NFX1: variants seen among roughly 807,000 people sequenced by gnomAD.
The protein encoded by NFX1 is transcriptional repressor NF-X1.
In NFX1, 69 loss-of-function variants were observed where a neutral mutation model predicts 137.2. The ratio of observed to expected loss-of-function variants is 0.50; its 90% CI spans 0.41 to 0.61. NFX1 has a LOEUF of 0.61. NFX1 is among the 20% of genes least tolerant of loss of function. The pLI, the probability that NFX1 is intolerant of heterozygous loss-of-function variation, is 0.00. For synonymous variants in NFX1, 495 were observed against 474.1 expected (o/e 1.04, Z -0.57); for missense variants, 1,167 against 1,391.0 (o/e 0.84, Z 2.56).
chr9:33,362,693 T>G (rs13286981), intron 19 of NFX1, among the ~76,000 whole-genome samples: 3 of 80,816 alleles, frequency 3.7e-5, no homozygotes, highest in Non-Finnish European at 6.2e-5. Flanking sequence ...GTTCCTGTGG[T>G]TTTTTTTTTT....
chr9:33,307,443 C>A (rs1758917099), intron 5 of NFX1, 144 bp downstream of exon 5: 2 of 659,558 alleles, frequency 3.0e-6, no homozygotes, highest in South Asian at 1.8e-5. Context: ...TCACCCTGTG[C>A]CAGGCACTCT....
chr9:33,313,596 T>C (rs1435980873), intron 6 of NFX1, 58 bp from the exon 7 acceptor site: 5 of 1,585,436 alleles, frequency 3.2e-6, no homozygotes, highest in Non-Finnish European at 2.6e-6. Context: ...AGTGTTAGTT[T>C]GGTTGTCCAA....
At chr9:33,316,385 G>T (rs182674479) in intron 7 of NFX1, among the ~76,000 whole-genome samples, 4 of 151,264 alleles carry the variant, frequency 2.6e-5, no homozygotes, top group Admixed American at 2.6e-4. Flanking sequence ...CTCCCAAGTA[G>T]CTGGCACTAC....
At position 33,290,531 on chromosome 9, in the gene NFX1, C is replaced by G. The variant is rs748700380; in HGVS notation, c.-42C>G. On this transcript the variant is annotated 5_prime_UTR_variant, in exon 1 of 24. Transcript: ENST00000379540. ...CGGGGCACGTGACCTGGTGACAGTG[C>G]TGACTTGGCTGTACAGCTCGATCTA... 4 of 1,612,764 alleles carry G rather than the reference C, an allele frequency of 2.5e-6. No homozygotes were observed. The highest frequency in any genetic ancestry group is 3.4e-6 in the Non-Finnish European group (4 of 1,178,932).
intron 4 of NFX1, among the ~76,000 whole-genome samples, chr9:33,306,538 G>A (rs1821758487): frequency 6.6e-6 from 1 of 152,152 alleles, no homozygotes; most frequent in Non-Finnish European, 1.5e-5. Context: ...AAAAGCAGAG[G>A]CCATGGACTG....
chr9:33,318,749 C>T lies in NFX1; in HGVS notation c.1607C>T (p.Thr536Ile), dbSNP rs544937431. Residue 536 changes from threonine to isoleucine, a missense_variant, in exon 8 of 24, where the codon ACC (threonine) becomes ATC (isoleucine). Transcript: ENST00000379540. ...CTTCAAGTATGCTATTGCGGCAGCA[C>T]CTCCCGAGATGTGTTATGTGGAACC... ...ILNQVCYCGS[T>I]SRDVLCGTDV... 8.5e-5 allele frequency: 137 copies of T among 1,614,128 alleles called. 3 individuals are homozygous for T. In the South Asian group the frequency reaches 1.4e-3, roughly 17 times the overall value.
intron 2 of NFX1, among the ~76,000 whole-genome samples, chr9:33,295,687 G>T (rs536085796): frequency 6.6e-6 from 1 of 152,250 alleles, no homozygotes; most frequent in African/African-American, 2.4e-5. Context: ...TTTTGTAAGG[G>T]TTTTCAAAAA....
At chr9:33,316,633 A>G (rs989556253) in intron 7 of NFX1, among the ~76,000 whole-genome samples, 4 of 152,174 alleles carry the variant, frequency 2.6e-5, no homozygotes, top group African/African-American at 4.8e-5. Flanking sequence ...TTGAATTATA[A>G]TCTTCTAGGA....
intron 1 of NFX1, among the ~76,000 whole-genome samples, chr9:33,292,617 C>T (rs964685819): frequency 1.3e-5 from 2 of 152,160 alleles, no homozygotes; most frequent in African/African-American, 4.8e-5. Context: ...ATCAATGTGT[C>T]CTGTTTCCCT....
chr9:33,319,532 CAG>C (rs1822303873), intron 9 of NFX1, among the ~76,000 whole-genome samples: 2 of 152,154 alleles, frequency 1.3e-5, no homozygotes, highest in Admixed American at 6.5e-5. Flanking sequence ...GGTTTGGAGA[CAG>C]AGTCTCGCTC....
rs1194779912 is a variant in NFX1 at position 33,294,493 on chromosome 9, G to A, written c.99G>A (p.Gly33=). The change falls in exon 2 of 24, where the codon GGG becomes GGA. Residue 33 remains glycine (G), a synonymous_variant. Transcript: ENST00000379540. ...AAAAAAATTCTGGTCTAAATTGTGG[G>A]ACTCAAAGGAGACTAGACTCTAATA... is the stretch of plus-strand genomic sequence containing the variant. ...QEKKNSGLNC[G]TQRRLDSNRI... 6.2e-7 allele frequency: 1 copy of A among 1,611,502 alleles called. No homozygotes were observed. The highest frequency in any genetic ancestry group is 1.3e-5 in the African/African-American group (1 of 74,746).
intron 4 of NFX1, among the ~76,000 whole-genome samples, chr9:33,305,219 A>G (rs968474002): frequency 6.6e-6 from 1 of 152,248 alleles, no homozygotes; most frequent in Non-Finnish European, 1.5e-5. Context: ...ACAAAGTACT[A>G]TGGGAGATCT....
intron 14 of NFX1, among the ~76,000 whole-genome samples, chr9:33,345,483 A>T (rs750974433): frequency 1.1e-4 from 17 of 152,230 alleles, no homozygotes; most frequent in Non-Finnish European, 2.2e-4. Context: ...TCTCAAAAAA[A>T]AAAGAGAGAT....
rs1196264083 is a variant in NFX1, at chr9:33,290,527, A to G, written c.-46A>G. ...AGTCCGGGGCACGTGACCTGGTGAC[A>G]GTGCTGACTTGGCTGTACAGCTCGA... is the stretch of plus-strand genomic sequence containing the variant. On this transcript the variant is annotated 5_prime_UTR_variant, in exon 1 of 24. Coordinates refer to ENST00000379540, the MANE Select transcript of NFX1 (RefSeq NM_002504.6). 2 of 1,610,316 alleles carry G rather than the reference A, an allele frequency of 1.2e-6. No individual in the cohort carries two copies. The highest frequency in any genetic ancestry group is 4.5e-5 in the East Asian group (2 of 44,862).
At chr9:33,359,081 A>G (rs1187110105) in intron 19 of NFX1, among the ~76,000 whole-genome samples, 1 of 152,128 alleles carries the variant, frequency 6.6e-6, no homozygotes, top group Non-Finnish European at 1.5e-5. Context: ...ACCTCGCTAA[A>G]TTCACTTATT....
chr9:33,324,077 C>CA (rs1822488628), intron 9 of NFX1, among the ~76,000 whole-genome samples: 1 of 151,978 alleles, frequency 6.6e-6, no homozygotes, highest in Non-Finnish European at 1.5e-5. Context: ...CCTATCTCTA[C>CA]AAAAAATTTT....
rs563399182 is a variant in NFX1 at position 33,337,964 on chromosome 9, G to A, written c.2036-546G>A. ...CTCGGGAGGCTGAGGCAGGAGAATCGCTTGAACCTGGGAGGTGGAGGTTGC... is the reference window on the plus strand; with the variant it reads ...CTCGGGAGGCTGAGGCAGGAGAATCACTTGAACCTGGGAGGTGGAGGTTGC... On this transcript the variant is annotated intron_variant, in intron 11 of 23. Transcript: ENST00000379540. 6.3e-3 allele frequency among the ~76,000 whole-genome samples: 922 copies of A among 146,656 alleles called. 10 individuals are homozygous for A. The highest frequency in any genetic ancestry group is 0.019 in the Middle Eastern group (5 of 266).
In NFX1 at chr9:33,295,338, G is replaced by A. The variant is rs1159061869; in HGVS notation, c.944G>A (p.Cys315Tyr). 6.2e-7 allele frequency: 1 copy of A among 1,614,142 alleles called. No homozygotes were observed. Among genetic ancestry groups the A allele is most frequent in the Non-Finnish European group, 8.5e-7 (1 of 1,180,032 alleles). ...TCCAGGAGGGTTGACCAAGAGAAAT[G>A]CACTGTACGGAGGCAGGATCCTCAA... ...KSSRRVDQEK[C>Y]TVRRQDPQVV... is the part of the protein sequence containing the mutation. Residue 315 changes from cysteine to tyrosine, a missense_variant, in exon 2 of 24, where the codon TGC (cysteine) becomes TAC (tyrosine). Coordinates refer to ENST00000379540, the MANE Select transcript of NFX1 (RefSeq NM_002504.6).
chr9:33,298,062 C>T (rs572335726), intron 2 of NFX1, among the ~76,000 whole-genome samples: 24 of 152,236 alleles, frequency 1.6e-4, no homozygotes, highest in Middle Eastern at 6.8e-3. Flanking sequence ...GTTCTAGGTA[C>T]AGGGAATGCT....
Sources: gnomAD v4.1 joint callset for allele counts (sites outside exome capture counted in the v4.1 genomes callset) on GRCh38, gnomAD v4.1.1 for gene constraint, MANE v1.5 for transcripts, NCBI Gene and HGNC (gene_info 2026-07-23, HGNC 2026-07-21) for gene names.